Variants in UROC1 observed in about 807,000 individuals in gnomAD.
The protein encoded by UROC1 is urocanate hydratase.
A neutral mutation model predicts 89.5 loss-of-function variants in UROC1; 79 were observed. The ratio of observed to expected loss-of-function variants is 0.88; its 90% CI spans 0.74 to 1.06. UROC1 has a LOEUF of 1.06. Among genes scored for constraint, UROC1 ranks in the 50% least tolerant of loss-of-function variants. The pLI, the probability that UROC1 is intolerant of heterozygous loss-of-function variation, is 0.00. For missense variants in UROC1, 885 were observed against 907.8 expected, an observed-to-expected ratio of 0.97 and a Z score of 0.32; for synonymous variants, 361 against 354.8, an observed-to-expected ratio of 1.02 and a Z score of -0.20.
intron 4 of UROC1, 147 bp from the exon 5 acceptor site, chr3:126,508,242 C>A (rs1936115201): frequency 6.7e-7 from 1 of 1,489,642 alleles, no homozygotes; most frequent in East Asian, 2.3e-5. Context: ...CTCAACACCA[C>A]CTCGCCCATT....
At position 126,508,455 on chromosome 3, in the gene UROC1, G is replaced by C; in HGVS notation, c.372C>G (p.Thr124=). The change falls in exon 4 of 20, where the codon ACC becomes ACG. Residue 124 remains threonine, a synonymous_variant. Coordinates refer to ENST00000290868, the MANE Select transcript of UROC1 (RefSeq NM_144639.3). Reference sequence around the variant, plus strand: ...TGAACACCTGCCCATTTCCTCCATAGGTCACCAGCTCCTGGGGAAACTGAG... The same window carrying C: ...TGAACACCTGCCCATTTCCTCCATACGTCACCAGCTCCTGGGGAAACTGAG... ...AVAQFPQELV[T]YGGNGQVFSN... is the part of the protein sequence containing the mutation. 1 of 1,613,804 alleles carries C rather than the reference G, an allele frequency of 6.2e-7. No homozygotes were observed. Among genetic ancestry groups the C allele is most frequent in the South Asian group, 1.1e-5 (1 of 91,022 alleles).
At chr3:126,499,224 T>C (rs993325454) in intron 13 of UROC1, 113 bp downstream of exon 13, 1 of 1,184,134 alleles carries the variant, frequency 8.4e-7, no homozygotes, top group African/African-American at 1.5e-5. Context: ...GCGCATGACC[T>C]CAGGGGCGGT....
chr3:126,484,281 C>T (rs1359541638), intron 18 of UROC1, among the ~76,000 whole-genome samples: 1 of 152,168 alleles, frequency 6.6e-6, no homozygotes, highest in Non-Finnish European at 1.5e-5. Context: ...GAGCTGTTCC[C>T]CATCAGCCTG....
chr3:126,512,843 G>C (rs151150970), intron 1 of UROC1, among the ~76,000 whole-genome samples: 251 of 152,320 alleles, frequency 1.6e-3, no homozygotes, highest in African/African-American at 5.6e-3. Flanking sequence ...AGAAAGCAAA[G>C]AGCAAGCATG....
Position 126,506,007 on chromosome 3 carries a change from C to T in UROC1, c.607G>A (p.Gly203Ser), listed in dbSNP as rs778320185. The T allele has an allele frequency of 1.1e-5, 18 of 1,613,358 alleles. No homozygotes were observed. The East Asian group carries it at 1.6e-4, about 14-fold the overall frequency. The stretch of plus-strand genomic sequence containing the variant: ...CAGTAGCTACCTGCTGTCATCTGGC[C>T]GTACCTGACCACAGGGAGAGAAGCC... ...KLFALGVTMYGQMTAGSYCYI... is the reference protein window; with the variant it reads ...KLFALGVTMYSQMTAGSYCYI... Residue 203 changes from glycine to serine, a missense_variant, in exon 7 of 20, where the codon GGC becomes AGC. Transcript: ENST00000290868.
chr3:126,513,323 T>A (rs1001127828), intron 1 of UROC1, among the ~76,000 whole-genome samples: 3 of 152,246 alleles, frequency 2.0e-5, no homozygotes, highest in Non-Finnish European at 4.4e-5. Context: ...TTTGAGTCAC[T>A]CCTGTTCCTG....
chr3:126,499,369 G>A lies in UROC1; in HGVS notation c.1284C>T (p.Phe428=), dbSNP rs550646800. ...TGTGCTGCACATAGGAAGGGTAGCGGAACTCTGTCCTGCCAGCACCTTTCT... is the reference window on the plus strand; with the variant it reads ...TGTGCTGCACATAGGAAGGGTAGCGAAACTCTGTCCTGCCAGCACCTTTCT... The part of the protein sequence containing the change: ...VEKKGAGRTE[F]RYPSYVQHIM... Residue 428 remains phenylalanine (F), a synonymous_variant, in exon 13 of 20, where the codon TTC becomes TTT. Transcript: ENST00000290868. 7.1e-5 allele frequency: 115 copies of A among 1,612,528 alleles called. No individual in the cohort carries two copies. The South Asian group carries it at 1.2e-3, about 16-fold the overall frequency.
chr3:126,507,801 G>A lies in UROC1; in HGVS notation c.543C>T (p.Val181=), dbSNP rs765158590. The change falls in exon 6 of 20, where the codon GTC becomes GTT. Residue 181 remains valine (V), a splice_region_variant and synonymous_variant. Transcript: ENST00000290868. ...CCGTCCGGGAGGAGTAGTTGGGAAT[G>A]ACCTGGAGAAGAGGATGGGGGCAGA... is the stretch of plus-strand genomic sequence containing the variant. ...APRLVITNGM[V]IPNYSSRTEY... 6 of 1,614,138 alleles carry A rather than the reference G, an allele frequency of 3.7e-6. No individual in the cohort carries two copies. The highest frequency in any genetic ancestry group is 1.1e-5 in the South Asian group (1 of 91,068).
rs1373502123 is a variant in UROC1 at position 126,514,253 on chromosome 3, T to C, written c.126+3341A>G. Among the ~76,000 whole-genome samples, 3 of 152,138 alleles carry C rather than the reference T, an allele frequency of 2.0e-5. No homozygotes were observed. The East Asian group carries it at 5.8e-4, about 29-fold the overall frequency. ...CAAGAAGTTCAGGAGGGGAGTACATTGGTAGTGATGGGGACACAGACGCTG... is the reference window on the plus strand; with the variant it reads ...CAAGAAGTTCAGGAGGGGAGTACATCGGTAGTGATGGGGACACAGACGCTG... On this transcript the variant is annotated intron_variant, in intron 1 of 19. Transcript: ENST00000290868.
rs748554309 is a variant in UROC1 at position 126,499,328 on chromosome 3, A to G, written c.1316+9T>C. 3 of 1,609,616 alleles carry G rather than the reference A, an allele frequency of 1.9e-6. No homozygotes were observed. Among genetic ancestry groups the G allele is most frequent in the Non-Finnish European group, 2.5e-6 (3 of 1,179,092 alleles). ...GGCACACTAGATGTGGCAGCCGCCC[A>G]TCACTCACCCCATGATGTGCTGCAC... On this transcript the variant is annotated intron_variant, in intron 13 of 19. Coordinates refer to ENST00000290868, the MANE Select transcript of UROC1 (RefSeq NM_144639.3).
chr3:126,501,100 C>T (rs568302580), intron 10 of UROC1, 118 bp downstream of exon 10: 16 of 1,252,774 alleles, frequency 1.3e-5, no homozygotes, highest in East Asian at 7.0e-5. Context: ...ACAAGGGTGG[C>T]GCTGAACTGG....
chr3:126,486,503 C>T (rs1449045565), intron 18 of UROC1, among the ~76,000 whole-genome samples: 1 of 152,194 alleles, frequency 6.6e-6, no homozygotes, highest in East Asian at 1.9e-4. Flanking sequence ...TAAACGTGAG[C>T]GCTGGGCAGA....
chr3:126,501,826 G>C, intron 9 of UROC1: 3 of 1,599,452 alleles, frequency 1.9e-6, no homozygotes, highest in Non-Finnish European at 2.5e-6. Context: ...GAAGCCCGAG[G>C]GAGCCAGGCA....
At chr3:126,503,922 TG>T in intron 9 of UROC1, 72 bp downstream of exon 9, 1 of 1,567,084 alleles carries the variant, frequency 6.4e-7, no homozygotes. Context: ...AGCTGCCCCA[TG>T]GGGGTCCTCT....
intron 1 of UROC1, among the ~76,000 whole-genome samples, chr3:126,513,466 G>T (rs1576732790): frequency 6.6e-6 from 1 of 152,132 alleles, no homozygotes; most frequent in East Asian, 2.0e-4. Flanking sequence ...ACAGCGCTCT[G>T]GGTTGCATGG....
At chr3:126,482,702 C>T (rs1935417536) in intron 19 of UROC1, among the ~76,000 whole-genome samples, 1 of 152,122 alleles carries the variant, frequency 6.6e-6, no homozygotes, top group African/African-American at 2.4e-5. Context: ...ACACTCAGTC[C>T]TGCTCCCCCA....
chr3:126,482,025 C>T lies in UROC1; in HGVS notation c.*320G>A. The T allele has an allele frequency of 2.6e-6, 1 of 390,578 alleles. No homozygotes were observed. Among genetic ancestry groups the T allele is most frequent in the East Asian group, 5.4e-5 (1 of 18,414 alleles). The allele number at this position is 390,578 out of a possible 1,614,324, so 24.2% of individuals were successfully genotyped here. Reference sequence around the variant, plus strand: ...CAGGAAGCAGAGGGTGTGATCATCCCAGCCGGAGAGAGCTTGACCAGTGTT... The same window carrying T: ...CAGGAAGCAGAGGGTGTGATCATCCTAGCCGGAGAGAGCTTGACCAGTGTT... On this transcript the variant is annotated 3_prime_UTR_variant, in exon 20 of 20. Transcript: ENST00000290868.
intron 15 of UROC1, among the ~76,000 whole-genome samples, chr3:126,493,566 C>T (rs62264730): frequency 2.0e-5 from 3 of 151,992 alleles, no homozygotes; most frequent in Non-Finnish European, 4.4e-5. Flanking sequence ...TTGTTGAGTG[C>T]CAGGGGCCGT....
At chr3:126,505,468 G>A (rs1051889143) in intron 8 of UROC1, among the ~76,000 whole-genome samples, 3 of 152,180 alleles carry the variant, frequency 2.0e-5, no homozygotes, top group Non-Finnish European at 2.9e-5. Flanking sequence ...GAGGGCAGTC[G>A]ATAGGCATTG....
Sources: allele counts gnomAD v4.1 joint callset (sites outside exome capture counted in the v4.1 genomes callset), GRCh38; gene constraint gnomAD v4.1.1; transcripts MANE v1.5; gene names NCBI Gene and HGNC (gene_info 2026-07-23, HGNC 2026-07-21).